The following SLC40A1 variants were observed in gnomAD, a reference collection of about 807,000 sequenced individuals.
SLC40A1 encodes the protein ferroportin.
In SLC40A1, 16 loss-of-function variants were observed where a neutral mutation model predicts 53.5. The observed-to-expected ratio is 0.30, with a 90% CI of 0.20 to 0.45. The LOEUF is 0.45. SLC40A1 is among the 20% of genes least tolerant of loss of function. The pLI is 1.00. For synonymous variants in SLC40A1, 247 were observed against 253.2 expected (o/e 0.98, Z 0.23); for missense variants, 545 against 695.4 (o/e 0.78, Z 2.43).
In SLC40A1 at chr2:189,579,853, G is replaced by A. The variant is rs749417873; in HGVS notation, c.71C>T (p.Ala24Val). 5 of 1,614,208 alleles carry A rather than the reference G, an allele frequency of 3.1e-6. No homozygotes were observed. The highest frequency in any genetic ancestry group is 1.7e-5 in the Admixed American group (1 of 60,034). The change falls in exon 2 of 8, where the codon GCA becomes GTA. Residue 24 changes from alanine to valine, a missense_variant. Around this residue, in one of 4 missense-constraint regions of SLC40A1, gnomAD observed 197 missense variants for 278.8 expected, o/e 0.71. Transcript: ENST00000261024. ...CGSLADYLTS[A>V]KFLLYLGHSL... Reference sequence around the variant, plus strand: ...ATGACCAAGGTAGAGAAGGAATTTTGCAGAGGTCAGGTAGTCGGCCAAGGA... The same window carrying A: ...ATGACCAAGGTAGAGAAGGAATTTTACAGAGGTCAGGTAGTCGGCCAAGGA...
chr2:189,579,930 A>G, intron 1 of SLC40A1, 50 bp from the exon 2 acceptor site: 1 of 1,540,970 alleles, frequency 6.5e-7, no homozygotes, highest in South Asian at 1.1e-5. Context: ...TCACTTAATG[A>G]GCTGAGGGCA....
At chr2:189,576,520 C>T (rs935876653) in intron 2 of SLC40A1, among the ~76,000 whole-genome samples, 4 of 152,310 alleles carry the variant, frequency 2.6e-5, no homozygotes, top group South Asian at 4.1e-4. Flanking sequence ...CTTTGCTTCT[C>T]CTACCCCCAC....
chr2:189,577,426 G>T (rs10188785), intron 2 of SLC40A1, among the ~76,000 whole-genome samples: 74,862 of 151,982 alleles, frequency 0.49, 21,060 homozygotes, highest in African/African-American at 0.78. Context: ...GTGAGCCTCT[G>T]GGAAACGAGG....
chr2:189,562,196 A>C lies in SLC40A1; in HGVS notation c.1403-5T>G. The C allele has an allele frequency of 3.2e-6, 5 of 1,587,082 alleles. No homozygotes were observed. The East Asian group carries it at 9.3e-5, about 30-fold the overall frequency. On this transcript the variant is annotated splice_region_variant and splice_polypyrimidine_tract_variant and intron_variant, in intron 7 of 7. Coordinates refer to ENST00000261024, the MANE Select transcript of SLC40A1 (RefSeq NM_014585.6). ...TTAAATCAAAGGACCAAAGACCTAT[A>C]ATAAAATATTTTTTTAAAGATTAGA...
chr2:189,571,215 T>C (rs2105627545), intron 5 of SLC40A1, among the ~76,000 whole-genome samples: 1 of 152,306 alleles, frequency 6.6e-6, no homozygotes, highest in Middle Eastern at 3.4e-3. Context: ...TAACAGCAAT[T>C]ATATTACATT....
chr2:189,572,827 A>T lies in SLC40A1; in HGVS notation c.387+19T>A, dbSNP rs2031172688. 6.6e-7 allele frequency: 1 copy of T among 1,520,890 alleles called. No individual in the cohort carries two copies. Among genetic ancestry groups the T allele is most frequent in the African/African-American group, 1.4e-5 (1 of 72,776 alleles). 94.2% of individuals were successfully genotyped at this position (1,520,890 alleles called of 1,614,324 possible). On this transcript the variant is annotated intron_variant, in intron 4 of 7. Transcript: ENST00000261024. ...AGATATTCAATTTTCTGCCATCAAG[A>T]ATCTCATTGAGAACTTACGAGAACC...
rs2031175912 is a variant in SLC40A1 at position 189,572,892 on chromosome 2, A to G, written c.341T>C (p.Phe114Ser). The change falls in exon 4 of 8, where the codon TTC (phenylalanine) becomes TCC (serine). Residue 114 changes from phenylalanine (F) to serine (S), a missense_variant. Phe to Ser is a radical substitution (Grantham distance 155). Transcript: ENST00000261024. ...ILCGIILMMV[F>S]LHKHELLTMY... ...GGTCAGAAGCTCATGTTTATGTAAG[A>G]AAACCATCATCAGGATGATTCCACA... is the stretch of plus-strand genomic sequence containing the variant. 1.2e-6 allele frequency: 2 copies of G among 1,614,052 alleles called. No homozygotes were observed. The highest frequency in any genetic ancestry group is 2.2e-5 in the East Asian group (1 of 44,880).
intron 6 of SLC40A1, among the ~76,000 whole-genome samples, chr2:189,565,126 A>G (rs2030891855): frequency 6.6e-6 from 1 of 152,092 alleles, no homozygotes; most frequent in Non-Finnish European, 1.5e-5. Flanking sequence ...TGCTCACATC[A>G]AGGAAGAGGG....
Position 189,565,582 on chromosome 2 carries a change from G to T in SLC40A1, c.532C>A (p.Arg178=), listed in dbSNP as rs1039029115. 1 of 1,614,054 alleles carries T rather than the reference G, an allele frequency of 6.2e-7. No individual in the cohort carries two copies. Among genetic ancestry groups the T allele is most frequent in the Non-Finnish European group, 8.5e-7 (1 of 1,180,032 alleles). ...SKLANMNATI[R]RIDQLTNILA... ...ATGTTGGTTAACTGGTCAATCCTTC[G>T]TATTGTGGCATTCATATCTAGAGAG... The change falls in exon 6 of 8, where the codon CGA becomes AGA. Residue 178 remains arginine (R), a synonymous_variant. Transcript: ENST00000261024.
At chr2:189,579,699 A>T in intron 2 of SLC40A1, 114 bp downstream of exon 2, 1 of 921,772 alleles carries the variant, frequency 1.1e-6, no homozygotes, top group Non-Finnish European at 1.8e-6. Context: ...TACTTGGATG[A>T]TTTATTTCTT....
chr2:189,562,350 T>C (rs980672101), intron 7 of SLC40A1, among the ~76,000 whole-genome samples, 159 bp from the exon 8 acceptor site: 1 of 152,216 alleles, frequency 6.6e-6, no homozygotes, highest in Non-Finnish European at 1.5e-5. Flanking sequence ...GAATTATTTT[T>C]CATAAATAAA....
Position 189,580,457 on chromosome 2 carries a change from T to G in SLC40A1, c.4A>C (p.Thr2Pro). The G allele has an allele frequency of 6.2e-7, 1 of 1,613,722 alleles. No homozygotes were observed. The highest frequency in any genetic ancestry group is 8.5e-7 in the Non-Finnish European group (1 of 1,180,020). Residue 2 changes from threonine (T) to proline (P), a missense_variant, in exon 1 of 8, where the codon ACC becomes CCC. Around this residue, in one of 4 missense-constraint regions of SLC40A1, gnomAD observed 197 missense variants for 278.8 expected, o/e 0.71. Transcript: ENST00000261024. ...TGGCGGTTGTGATCTCCCGCCCTGGTCATGACACTAGGCGACCCCGCTGGC... is the reference window on the plus strand; with the variant it reads ...TGGCGGTTGTGATCTCCCGCCCTGGGCATGACACTAGGCGACCCCGCTGGC... The part of the protein sequence containing the change: M[T>P]RAGDHNRQRG...
At chr2:189,564,344 T>C (rs2030858949) in intron 6 of SLC40A1, 119 bp from the exon 7 acceptor site, 17 of 746,234 alleles carry the variant, frequency 2.3e-5, no homozygotes, top group South Asian at 1.8e-4. Context: ...GGTTAGACAT[T>C]GTAATATGTA....
intron 4 of SLC40A1, 177 bp downstream of exon 4, chr2:189,572,669 T>C: frequency 3.2e-6 from 2 of 628,990 alleles, no homozygotes; most frequent in South Asian, 3.8e-5. Context: ...ACTTAATGAG[T>C]GCCTGTTGTG....
intron 1 of SLC40A1, 107 bp downstream of exon 1, chr2:189,580,311 G>T: frequency 8.7e-7 from 1 of 1,150,210 alleles, no homozygotes; most frequent in Non-Finnish European, 1.3e-6. Context: ...TTTTTACAAA[G>T]CTATGGTTCA....
intron 6 of SLC40A1, among the ~76,000 whole-genome samples, chr2:189,564,547 A>C (rs2030867412): frequency 6.6e-6 from 1 of 152,148 alleles, no homozygotes; most frequent in African/African-American, 2.4e-5. Flanking sequence ...GTCTAAAAAA[A>C]CACAGCGTAT....
chr2:189,572,905 G>C lies in SLC40A1; in HGVS notation c.328C>G (p.Leu110Val), dbSNP rs1407674110. The change falls in exon 4 of 8, where the codon CTG becomes GTG. Residue 110 changes from leucine (L) to valine (V), a missense_variant. By Grantham distance (32) the Leu-to-Val change is conservative. Around this residue, in one of 4 missense-constraint regions of SLC40A1, gnomAD observed 197 missense variants for 278.8 expected, o/e 0.71. Transcript: ENST00000261024. ...TGTTTATGTAAGAAAACCATCATCA[G>C]GATGATTCCACACAGGATGACTGAA... ...NVSVILCGIILMMVFLHKHEL... is the reference protein window; with the variant it reads ...NVSVILCGIIVMMVFLHKHEL... The C allele has an allele frequency of 1.2e-6, 2 of 1,613,992 alleles. No individual in the cohort carries two copies. The highest frequency in any genetic ancestry group is 1.7e-6 in the Non-Finnish European group (2 of 1,179,902).
At chr2:189,580,164 G>C (rs2031410061) in intron 1 of SLC40A1, among the ~76,000 whole-genome samples, 1 of 35,532 alleles carries the variant, frequency 2.8e-5, no homozygotes, top group African/African-American at 5.0e-5. Flanking sequence ...TGGTTGGTTT[G>C]TTTGTTTTGT....
Position 189,561,795 on chromosome 2 carries a change from GC to G in SLC40A1, c.*82del. On this transcript the variant is annotated 3_prime_UTR_variant, in exon 8 of 8. Transcript: ENST00000261024. ...TGGTAAAAACAGAGCAAAACACCCA[GC>G]CATTTATTGGAATTCTGCAGTACAA... The G allele has an allele frequency of 8.2e-7, 1 of 1,213,970 alleles. No homozygotes were observed. The highest frequency in any genetic ancestry group is 1.2e-6 in the Non-Finnish European group (1 of 827,436). The allele number at this position is 1,213,970 out of a possible 1,614,324, so 75.2% of individuals were successfully genotyped here. A position where few individuals can be genotyped will look rare whatever the true frequency, so the allele number is the denominator to read the frequency against.
Sources: allele counts gnomAD v4.1 joint callset (sites outside exome capture counted in the v4.1 genomes callset), GRCh38; gene constraint gnomAD v4.1.1; regional missense constraint gnomAD v4.1.1; transcripts MANE v1.5; gene names NCBI Gene and HGNC (gene_info 2026-07-23, HGNC 2026-07-21).